SOD2: variants seen among roughly 807,000 people sequenced by gnomAD.
SOD2 encodes superoxide dismutase 2, also known as superoxide dismutase [Mn], mitochondrial.
SOD2 carries 11 observed loss-of-function variants against 27.0 expected under a neutral mutation model. That is an observed-to-expected ratio of 0.41 (90% CI 0.26 to 0.67). SOD2 has a LOEUF of 0.67. Ranked by LOEUF, SOD2 falls within the 30% of genes least tolerant of loss-of-function variation. SOD2 has a pLI of 0.34. For missense variants in SOD2, 250 were observed against 274.5 expected, an observed-to-expected ratio of 0.91 and a Z score of 0.63; for synonymous variants, 105 against 103.0, an observed-to-expected ratio of 1.02 and a Z score of -0.12.
chr6:159,732,461 T>C (rs377701907), intron 1 of SOD2, among the ~76,000 whole-genome samples: 81 of 152,336 alleles, frequency 5.3e-4, no homozygotes, highest in African/African-American at 1.8e-3. Flanking sequence ...TGTTCGTATA[T>C]ACATAGATAC....
rs1779296730 is a variant in SOD2 at position 159,742,175 on chromosome 6, CTGAAT to C, written c.-116+2950_-116+2954del. ...AGTTTGAGTTTTAGCTTCCTAAAGA[CTGAAT>C]AATCTCCTTTTGATTGTTAAAATCA... On this transcript the variant is annotated intron_variant, in intron 1 of 3. Transcript: ENST00000537657. 8 of 1,524,314 alleles carry C rather than the reference CTGAAT, an allele frequency of 5.2e-6. No homozygotes were observed. The Admixed American group carries it at 1.6e-4, about 31-fold the overall frequency. 94.4% of individuals were successfully genotyped at this position (1,524,314 alleles called of 1,614,324 possible).
At chr6:159,683,511 T>C (rs1780050779) in intron 4 of SOD2, among the ~76,000 whole-genome samples, 1 of 152,100 alleles carries the variant, frequency 6.6e-6, no homozygotes, top group African/African-American at 2.4e-5. Context: ...TCAAAATAAA[T>C]TATAGCTCTC....
At chr6:159,703,641 T>C (rs1391789056) in intron 1 of SOD2, among the ~76,000 whole-genome samples, 1 of 152,150 alleles carries the variant, frequency 6.6e-6, no homozygotes, top group African/African-American at 2.4e-5. Flanking sequence ...AAAGCTAGAA[T>C]TAACAAACAT....
intron 4 of SOD2, among the ~76,000 whole-genome samples, chr6:159,683,271 G>A (rs889205423): frequency 6.6e-6 from 1 of 152,150 alleles, no homozygotes; most frequent in Non-Finnish European, 1.5e-5. Flanking sequence ...ATCTCTTGAG[G>A]TCAGGCGTTC....
chr6:159,739,824 C>CTTTTTTTTTT (rs56389349), intron 1 of SOD2, among the ~76,000 whole-genome samples: 8 of 85,188 alleles, frequency 9.4e-5, no homozygotes, highest in Non-Finnish European at 1.7e-4. Flanking sequence ...CACTTTTTAC[C>CTTTTTTTTTT]TTTTTTTTTT....
intron 3 of SOD2, among the ~76,000 whole-genome samples, chr6:159,685,855 A>C (rs1297231116): frequency 6.6e-6 from 1 of 152,328 alleles, no homozygotes; most frequent in African/African-American, 2.4e-5. Flanking sequence ...TTTTTAATGA[A>C]TCGTGTTAGA....
At chr6:159,736,527 A>G (rs1018452260) in intron 1 of SOD2, 6 of 398,492 alleles carry the variant, frequency 1.5e-5, no homozygotes, top group Non-Finnish European at 2.7e-5. Flanking sequence ...TAGTTATAAT[A>G]ATATTCCCAT....
intron 1 of SOD2, among the ~76,000 whole-genome samples, chr6:159,743,084 G>A (rs1410634581): frequency 6.6e-6 from 1 of 152,222 alleles, no homozygotes; most frequent in African/African-American, 2.4e-5. Context: ...GTCTCGCACT[G>A]TTGCCCAGGC....
chr6:159,711,983 CACA>C (rs1562437906), intron 1 of SOD2, among the ~76,000 whole-genome samples: 25 of 103,342 alleles, frequency 2.4e-4, no homozygotes, highest in African/African-American at 8.3e-4. Flanking sequence ...AACCACCACT[CACA>C]CTGCTCAGAC....
chr6:159,692,419 G>A (rs1562425444), intron 2 of SOD2: 2 of 1,403,328 alleles, frequency 1.4e-6, no homozygotes, highest in Admixed American at 3.3e-5. Context: ...AGTAAGGCAA[G>A]CTCCTTCGCA....
chr6:159,736,075 CTG>C (rs1357503250), intron 1 of SOD2, among the ~76,000 whole-genome samples: 3 of 152,128 alleles, frequency 2.0e-5, no homozygotes, highest in Admixed American at 6.5e-5. Flanking sequence ...TATAGGAACT[CTG>C]TAATATCTTT....
At chr6:159,714,113 T>A in intron 1 of SOD2, 1 of 540,966 alleles carries the variant, frequency 1.8e-6, no homozygotes, top group Non-Finnish European at 3.4e-6. Context: ...TCTGCTCACA[T>A]AAGCAAGTGA....
rs1181769287 is a variant in SOD2, at chr6:159,678,510, CAGTG to C, written c.*3979_*3982del. 12 of 152,092 alleles carry C rather than the reference CAGTG, an allele frequency of 7.9e-5. No individual in the cohort carries two copies. Among genetic ancestry groups the C allele is most frequent in the African/African-American group, 2.4e-4 (10 of 41,430 alleles). 9.4% of individuals were successfully genotyped at this position (152,092 alleles called of 1,614,324 possible). ...CCACCGCACTCCAGCCTGGGTGACACAGTGAGACTCCATCTCTAAATAAAAAAAT... is the reference window on the plus strand; with the variant it reads ...CCACCGCACTCCAGCCTGGGTGACACAGACTCCATCTCTAAATAAAAAAAT... On this transcript the variant is annotated 3_prime_UTR_variant, in exon 5 of 5. Transcript: ENST00000538183.
chr6:159,731,729 A>C (rs991775644), upstream of SOD2, among the ~76,000 whole-genome samples: 3 of 152,156 alleles, frequency 2.0e-5, no homozygotes, highest in Non-Finnish European at 4.4e-5. Flanking sequence ...CAGAAATAGC[A>C]CAGTATTTGG....
intron 2 of SOD2, among the ~76,000 whole-genome samples, chr6:159,689,831 G>A (rs1169164149): frequency 1.3e-5 from 2 of 152,014 alleles, no homozygotes; most frequent in African/African-American, 2.4e-5. Context: ...ATGGTGGCGC[G>A]TGCCTATAAT....
intron 1 of SOD2, among the ~76,000 whole-genome samples, chr6:159,751,813 A>G (rs1424907501): frequency 6.6e-6 from 1 of 152,188 alleles, no homozygotes. Context: ...TGTAATCCCA[A>G]CACTTTGGAA....
chr6:159,745,365 C>A (rs1031846182), upstream of SOD2, among the ~76,000 whole-genome samples: 7 of 152,108 alleles, frequency 4.6e-5, no homozygotes, highest in Non-Finnish European at 8.8e-5. Context: ...TTCGGTGATA[C>A]CTCATCACTC....
At chr6:159,693,836 C>T (rs941390112), upstream of SOD2, among the ~76,000 whole-genome samples, 1 of 152,236 alleles carries the variant, frequency 6.6e-6, no homozygotes, top group Non-Finnish European at 1.5e-5. Context: ...GCGCCGTACC[C>T]TTGCTTTGCA....
At chr6:159,713,279 T>C in intron 1 of SOD2, 1 of 687,222 alleles carries the variant, frequency 1.5e-6, no homozygotes, top group Non-Finnish European at 2.6e-6. Flanking sequence ...ATAGCCTCTA[T>C]ACCCTCCACC....
Sources: allele counts gnomAD v4.1 joint callset (sites outside exome capture counted in the v4.1 genomes callset), GRCh38; gene constraint gnomAD v4.1.1; transcripts MANE v1.5; gene names NCBI Gene and HGNC (gene_info 2026-07-23, HGNC 2026-07-21).